The following RPH3AL variants were observed in gnomAD, a reference collection of about 807,000 sequenced individuals.
RPH3AL encodes the protein rabphilin 3A like (without C2 domains), also known as rab effector Noc2.
In RPH3AL, 38 loss-of-function variants were observed where a neutral mutation model predicts 43.1. The observed-to-expected ratio is 0.88, with a 90% CI of 0.68 to 1.15. The LOEUF (loss-of-function observed/expected upper bound fraction) is 1.15. RPH3AL is among the 50% of genes most tolerant of loss of function. The pLI, the probability that RPH3AL is intolerant of heterozygous loss-of-function variation, is 0.00. For missense variants in RPH3AL, 462 were observed against 423.2 expected, an observed-to-expected ratio of 1.09 and a Z score of -0.81; for synonymous variants, 189 against 176.3, an observed-to-expected ratio of 1.07 and a Z score of -0.57.
At chr17:329,799 A>G (rs2063320738) in intron 2 of RPH3AL, among the ~76,000 whole-genome samples, 1 of 152,240 alleles carries the variant, frequency 6.6e-6, no homozygotes, top group Non-Finnish European at 1.5e-5. Context: ...TCCTTGAAGG[A>G]CATCCAGACC....
intron 5 of RPH3AL, among the ~76,000 whole-genome samples, chr17:318,157 C>T (rs577444520): frequency 4.6e-5 from 7 of 152,076 alleles, no homozygotes; most frequent in Admixed American, 6.5e-5. Context: ...CCGAGGCAGG[C>T]GGATCACCTG....
At chr17:307,721 T>C (rs1271040641) in intron 5 of RPH3AL, among the ~76,000 whole-genome samples, 4 of 152,182 alleles carry the variant, frequency 2.6e-5, no homozygotes, top group African/African-American at 9.6e-5. Context: ...TTGGCTGCCT[T>C]TGTGCTGATG....
intron 5 of RPH3AL, among the ~76,000 whole-genome samples, chr17:298,201 C>T (rs984677584): frequency 1.2e-4 from 18 of 152,272 alleles, no homozygotes; most frequent in African/African-American, 4.1e-4. Context: ...GTCAGGAGAC[C>T]GTCCACGTCC....
intron 8 of RPH3AL, among the ~76,000 whole-genome samples, chr17:217,289 C>G (rs879011654): frequency 2.4e-5 from 3 of 124,672 alleles, no homozygotes; most frequent in East Asian, 2.3e-4. Flanking sequence ...TCGCTGAAAT[C>G]AGGACCCCCA....
rs537325838 is a variant in RPH3AL at position 222,640 on chromosome 17, A to C, written c.614-2904T>G. 1.8e-4 allele frequency among the ~76,000 whole-genome samples: 27 copies of C among 152,334 alleles called. No homozygotes were observed. In the South Asian group the frequency reaches 5.6e-3, roughly 32 times the overall value. ...ATTTTTAACACAGAAATGTACATCCATTCACCAATCTTTTGATGCCAGGCT... is the reference window on the plus strand; with the variant it reads ...ATTTTTAACACAGAAATGTACATCCCTTCACCAATCTTTTGATGCCAGGCT... On this transcript the variant is annotated intron_variant, in intron 7 of 9. Coordinates refer to ENST00000331302, the MANE Select transcript of RPH3AL (RefSeq NM_006987.4).
At chr17:350,437 A>C (rs1474326930) in intron 1 of RPH3AL, among the ~76,000 whole-genome samples, 2 of 152,058 alleles carry the variant, frequency 1.3e-5, no homozygotes, top group East Asian at 3.9e-4. Flanking sequence ...TGGGTGAAAC[A>C]CCATCTCCAC....
intron 5 of RPH3AL, among the ~76,000 whole-genome samples, chr17:291,098 G>A (rs1014317607): frequency 4.6e-5 from 7 of 152,232 alleles, no homozygotes; most frequent in Non-Finnish European, 1.0e-4. Context: ...GAACACTGAA[G>A]ATGGCTGGTT....
At chr17:339,169 A>C (rs2045047093) in intron 1 of RPH3AL, 1 of 152,276 alleles carries the variant, frequency 6.6e-6, no homozygotes, top group Non-Finnish European at 1.5e-5. Flanking sequence ...TCTCTGTTGC[A>C]ACTCCAGGGT....
intron 1 of RPH3AL, chr17:335,866 G>A (rs1191418097): frequency 6.6e-6 from 1 of 152,218 alleles, no homozygotes; most frequent in African/African-American, 2.4e-5. Context: ...CTGGCGCCCA[G>A]AGGGCTGGGT....
chr17:331,645 T>G (rs2044769355), intron 2 of RPH3AL: 1 of 1,288,242 alleles, frequency 7.8e-7, no homozygotes, highest in Non-Finnish European at 1.0e-6. Flanking sequence ...CTCGTCAGCA[T>G]GCAGAGGCTC....
At chr17:314,274 C>T (rs1418455152) in intron 5 of RPH3AL, among the ~76,000 whole-genome samples, 1 of 152,188 alleles carries the variant, frequency 6.6e-6, no homozygotes, top group African/African-American at 2.4e-5. Context: ...TCTCCACAGG[C>T]CCCTATACCT....
At chr17:306,140 TGTGA>T (rs566753654) in intron 5 of RPH3AL, among the ~76,000 whole-genome samples, 11 of 150,622 alleles carry the variant, frequency 7.3e-5, no homozygotes, top group African/African-American at 2.4e-4. Flanking sequence ...GGATTACAGG[TGTGA>T]GCCACTGCGC....
Position 304,880 on chromosome 17 carries a change from C to T in RPH3AL, c.351+14540G>A, listed in dbSNP as rs942170969. On this transcript the variant is annotated intron_variant, in intron 5 of 9. Coordinates refer to ENST00000331302, the MANE Select transcript of RPH3AL (RefSeq NM_006987.4). The stretch of plus-strand genomic sequence containing the variant: ...TGGTACAGAAATAGGGGCCAGCCCC[C>T]GGTCCAGCGCCACGAGCTCCTAGGG... Among the ~76,000 whole-genome samples the T allele has an allele frequency of 4.9e-5, 7 of 143,592 alleles. No individual in the cohort carries two copies. The East Asian group carries it at 1.0e-3, about 21-fold the overall frequency. The allele number at this position is 143,592 out of a possible 152,430, so 94.2% of individuals were successfully genotyped here. A position where few individuals can be genotyped will look rare whatever the true frequency, so the allele number is the denominator to read the frequency against.
At chr17:230,902 T>C in intron 7 of RPH3AL, among the ~76,000 whole-genome samples, 1 of 152,172 alleles carries the variant, frequency 6.6e-6, no homozygotes, top group East Asian at 1.9e-4. Flanking sequence ...TCCAGGTTGG[T>C]CTCGAACTCC....
chr17:261,861 C>G (rs1021477638), intron 6 of RPH3AL: 1 of 152,130 alleles, frequency 6.6e-6, no homozygotes, highest in South Asian at 2.1e-4. Context: ...AGGGGAAGTT[C>G]CCGGAAGGCA....
At chr17:314,172 C>A (rs2043749572) in intron 5 of RPH3AL, among the ~76,000 whole-genome samples, 2 of 152,184 alleles carry the variant, frequency 1.3e-5, no homozygotes, top group Admixed American at 6.5e-5. Context: ...GCAGCACAGG[C>A]CCTGGACTGT....
intron 1 of RPH3AL, chr17:338,827 A>T (rs777320018): frequency 6.6e-6 from 1 of 152,234 alleles, no homozygotes; most frequent in Non-Finnish European, 1.5e-5. Context: ...CATGAAGCAG[A>T]GAAGCTTCTA....
chr17:243,615 C>T (rs566388609), intron 7 of RPH3AL, among the ~76,000 whole-genome samples: 16 of 104,984 alleles, frequency 1.5e-4, no homozygotes, highest in Admixed American at 8.7e-4. Context: ...CTATTGATTA[C>T]CTTCCTCTAT....
chr17:237,281 C>T (rs779089685), intron 7 of RPH3AL, among the ~76,000 whole-genome samples: 9 of 152,218 alleles, frequency 5.9e-5, no homozygotes, highest in South Asian at 2.1e-4. Context: ...CTGAAGTGAT[C>T]GTGAAACTCC....
Sources: allele counts gnomAD v4.1 joint callset (sites outside exome capture counted in the v4.1 genomes callset), GRCh38; gene constraint gnomAD v4.1.1; transcripts MANE v1.5; gene names NCBI Gene and HGNC (gene_info 2026-07-23, HGNC 2026-07-21).